Variants in ADGRD1 observed in about 807,000 individuals in gnomAD.
ADGRD1 encodes the protein G-protein coupled receptor 133.
Under a neutral mutation model 113.4 loss-of-function variants are expected in ADGRD1, and 77 were observed. The observed-to-expected ratio is 0.68, with a 90% CI of 0.57 to 0.82. The LOEUF (loss-of-function observed/expected upper bound fraction) is 0.82, where lower values mean the gene tolerates loss of function less well. Ranked by LOEUF, ADGRD1 falls within the 40% of genes least tolerant of loss-of-function variation. ADGRD1 has a pLI of 0.00. For missense variants in ADGRD1, 1,036 were observed against 1,139.1 expected (o/e 0.91, Z 1.30); for synonymous variants, 474 against 475.0 (o/e 1.00, Z 0.03).
intron 18 of ADGRD1, among the ~76,000 whole-genome samples, chr12:131,115,899 G>A (rs897752941): frequency 1.3e-5 from 2 of 152,150 alleles, no homozygotes; most frequent in African/African-American, 2.4e-5. Context: ...AACTCATTAC[G>A]TTCCCATGGT....
Position 131,113,153 on chromosome 12 carries a change from C to T in ADGRD1, c.2041+4276C>T, listed in dbSNP as rs191004656. Among the ~76,000 whole-genome samples the T allele has an allele frequency of 3.5e-4, 53 of 152,342 alleles. No homozygotes were observed. Among genetic ancestry groups the T allele is most frequent in the African/African-American group, 1.2e-3 (51 of 41,590 alleles). On this transcript the variant is annotated intron_variant, in intron 18 of 24. Coordinates refer to ENST00000261654, the MANE Select transcript of ADGRD1 (RefSeq NM_198827.5). This position sits in a 1 kb window ranked among gnomAD's most constrained non-coding sequence, Gnocchi z 4.9. ...GAAGCAGGTTTTGGCTGAAGTGCCA[C>T]AGACTCAGTCTTCTTAACAAGATTT...
At chr12:130,992,707 G>A (rs934241323) in intron 8 of ADGRD1, among the ~76,000 whole-genome samples, 1 of 152,276 alleles carries the variant, frequency 6.6e-6, no homozygotes, top group South Asian at 2.1e-4. Flanking sequence ...AATAAACTCT[G>A]CTGCCTCCTG....
chr12:130,989,630 T>C (rs1874122371), intron 6 of ADGRD1: 1 of 152,230 alleles, frequency 6.6e-6, no homozygotes, highest in African/African-American at 2.4e-5. Context: ...TAGAAGTCTT[T>C]CTTTACATGA....
chr12:131,018,991 G>A (rs1026158704), intron 13 of ADGRD1, among the ~76,000 whole-genome samples: 11 of 152,230 alleles, frequency 7.2e-5, no homozygotes, highest in Non-Finnish European at 1.3e-4. Context: ...GCACAGACTC[G>A]TAGGCCTCCG....
intron 9 of ADGRD1, among the ~76,000 whole-genome samples, chr12:131,001,643 T>C (rs1876402074): frequency 6.6e-6 from 1 of 152,212 alleles, no homozygotes; most frequent in African/African-American, 2.4e-5. Context: ...TTCTCTGCCA[T>C]GCAAAGTCCA....
In ADGRD1 at chr12:131,075,842, A is replaced by G. The variant is rs1327561827; in HGVS notation, c.1474-959A>G. Among the ~76,000 whole-genome samples, 1 of 152,222 alleles carries G rather than the reference A, an allele frequency of 6.6e-6. No homozygotes were observed. Among genetic ancestry groups the G allele is most frequent in the African/African-American group, 2.4e-5 (1 of 41,456 alleles). ...ATGGGGGAAGGGTCTCATTGGAGCA[A>G]TGATGGCTCAGGAATGGGTCACAGA... On this transcript the variant is annotated intron_variant, in intron 13 of 24. Transcript: ENST00000261654. This position sits in a 1 kb window ranked among gnomAD's most constrained non-coding sequence, Gnocchi z 5.3.
chr12:131,022,529 A>G lies in ADGRD1; in HGVS notation c.1473+8189A>G, dbSNP rs1023243468. Among the ~76,000 whole-genome samples the G allele has an allele frequency of 6.6e-6, 1 of 152,196 alleles. No homozygotes were observed. Among genetic ancestry groups the G allele is most frequent in the Admixed American group, 6.5e-5 (1 of 15,286 alleles). ...TCAGTTGCTGGTGTTGCTATGACTC[A>G]GGGGTACTATTTCATCCCACAGGGC... On this transcript the variant is annotated intron_variant, in intron 13 of 24. Transcript: ENST00000261654. The surrounding 1 kb of genome is among the most constrained non-coding windows in gnomAD (Gnocchi z 4.6).
At chr12:131,006,949 TG>T (rs1877202278) in intron 12 of ADGRD1, among the ~76,000 whole-genome samples, 1 of 152,168 alleles carries the variant, frequency 6.6e-6, no homozygotes, top group Non-Finnish European at 1.5e-5. Context: ...CTCAGTTATT[TG>T]GGGAGATCTT....
At chr12:131,072,611 T>G (rs937268096) in intron 13 of ADGRD1, among the ~76,000 whole-genome samples, 1 of 152,122 alleles carries the variant, frequency 6.6e-6, no homozygotes, top group Non-Finnish European at 1.5e-5. Flanking sequence ...ACCATGTGTG[T>G]GGGGGGTGGC....
chr12:131,118,274 T>C (rs1196789356), intron 18 of ADGRD1, 111 bp from the exon 19 acceptor site: 2 of 739,794 alleles, frequency 2.7e-6, no homozygotes, highest in Non-Finnish European at 4.7e-6. Flanking sequence ...CCCCTCTGTA[T>C]ACATGTATGA....
In ADGRD1 at chr12:131,014,206, G is replaced by C; in HGVS notation, c.1339G>C (p.Glu447Gln). 1.9e-6 allele frequency: 3 copies of C among 1,613,860 alleles called. No homozygotes were observed. The highest frequency in any genetic ancestry group is 2.5e-6 in the Non-Finnish European group (3 of 1,179,872). ...NIWPAHTKIA[E>Q]AMHHQDCLLF... ...TTTCCGTCTCTTCCCAAGGATCGCG[G>C]AGGCCATGCATCACCAGGACTGCCT... Residue 447 changes from glutamate (E) to glutamine (Q), a missense_variant, in exon 13 of 25, where the codon GAG becomes CAG. Coordinates refer to ENST00000261654, the MANE Select transcript of ADGRD1 (RefSeq NM_198827.5).
rs535763802 is a variant in ADGRD1, at chr12:131,079,675, G to A, written c.1547+2801G>A. Among the ~76,000 whole-genome samples, 97 of 152,244 alleles carry A rather than the reference G, an allele frequency of 6.4e-4. No individual in the cohort carries two copies. The South Asian group carries it at 0.018, about 29-fold the overall frequency. On this transcript the variant is annotated intron_variant, in intron 14 of 24. Transcript: ENST00000261654. ...TTATGGATGCAGGACTATGTAGGTC[G>A]TCTACTTCTTTTTAAATAAGTTCAA...
At chr12:131,052,538 A>T (rs887613864) in intron 13 of ADGRD1, among the ~76,000 whole-genome samples, 15 of 152,214 alleles carry the variant, frequency 9.9e-5, no homozygotes, top group Non-Finnish European at 2.2e-4. Context: ...GCAACCAGGC[A>T]TCTGCCTCCG....
intron 15 of ADGRD1, among the ~76,000 whole-genome samples, chr12:131,098,304 A>G (rs1009809786): frequency 6.6e-6 from 1 of 152,044 alleles, no homozygotes; most frequent in Non-Finnish European, 1.5e-5. Flanking sequence ...GAGAGGGTGG[A>G]TGGAGGCAGG....
At chr12:131,055,267 CAG>C (rs1046297634) in intron 13 of ADGRD1, among the ~76,000 whole-genome samples, 4 of 152,110 alleles carry the variant, frequency 2.6e-5, no homozygotes, top group Non-Finnish European at 5.9e-5. Context: ...CTGTGAGTGA[CAG>C]GGTGCCCACG....
At chr12:131,070,990 G>A (rs978833567) in intron 13 of ADGRD1, 5 of 513,938 alleles carry the variant, frequency 9.7e-6, no homozygotes, top group Non-Finnish European at 2.0e-5. Context: ...AAGAGAGGCT[G>A]GAGCCACTTG....
chr12:131,106,661 G>A (rs1423787669), intron 17 of ADGRD1, among the ~76,000 whole-genome samples: 1 of 152,196 alleles, frequency 6.6e-6, no homozygotes, highest in Non-Finnish European at 1.5e-5. Context: ...GGTCAGCAGA[G>A]CCTCTCCTCC....
intron 2 of ADGRD1, chr12:130,956,570 G>A (rs1472977861): frequency 3.3e-5 from 5 of 152,364 alleles, no homozygotes; most frequent in Non-Finnish European, 5.9e-5. Context: ...CTGGGCTCCA[G>A]TAGGGGAGAG....
At chr12:131,124,286 A>T (rs1950687396) in intron 20 of ADGRD1, among the ~76,000 whole-genome samples, 1 of 152,210 alleles carries the variant, frequency 6.6e-6, no homozygotes, top group Non-Finnish European at 1.5e-5. Context: ...AAAAAGTTAA[A>T]AGCTCTATAT....
Sources: gnomAD v4.1 joint callset for allele counts (sites outside exome capture counted in the v4.1 genomes callset) on GRCh38, gnomAD v4.1.1 for gene constraint, Gnocchi (gnomAD v3.1) non-coding constraint, MANE v1.5 for transcripts, NCBI Gene and HGNC (gene_info 2026-07-23, HGNC 2026-07-21) for gene names.